Variants in FARP1 observed in about 807,000 individuals in gnomAD.
FARP1 encodes the protein FERM, ARHGEF and pleckstrin domain-containing protein 1.
FARP1 carries 52 observed loss-of-function variants against 128.8 expected under a neutral mutation model. The ratio of observed to expected loss-of-function variants is 0.40; its 90% CI spans 0.32 to 0.51. The LOEUF is 0.51. FARP1 is among the 20% of genes least tolerant of loss of function. The probability of loss-of-function intolerance (pLI) is 0.45; values close to 1 mark genes in which losing one functional copy is unlikely to be tolerated. For missense variants in FARP1, 1,333 were observed against 1,367.9 expected, an observed-to-expected ratio of 0.97 and a Z score of 0.40; for synonymous variants, 580 against 551.8, an observed-to-expected ratio of 1.05 and a Z score of -0.72.
chr13:98,453,129 A>C lies in FARP1; in HGVS notation c.*4812A>C. On this transcript the variant is annotated 3_prime_UTR_variant, in exon 27 of 27. Coordinates refer to ENST00000319562, the MANE Select transcript of FARP1 (RefSeq NM_005766.4). ...GACTTTTAAAAAAGGAGGAGGATGA[A>C]GAAGGAAAAAAGGAAAAACAAAACC... 6.2e-6 allele frequency: 10 copies of C among 1,609,410 alleles called. No homozygotes were observed. Among genetic ancestry groups the C allele is most frequent in the Non-Finnish European group, 8.5e-6 (10 of 1,176,678 alleles).
At chr13:98,208,021 CACTAGGCTGGGATTCTAGATTA>C (rs1249397374) in intron 1 of FARP1, among the ~76,000 whole-genome samples, 3 of 149,878 alleles carry the variant, frequency 2.0e-5, no homozygotes, top group Non-Finnish European at 4.4e-5. Context: ...CGGTGAAGGG[CACTAGGCTGGGATTCTAGATTA>C]ACCAGGCTGG....
intron 1 of FARP1, among the ~76,000 whole-genome samples, chr13:98,201,552 A>G (rs1255964944): frequency 2.0e-5 from 3 of 152,210 alleles, no homozygotes; most frequent in Admixed American, 6.5e-5. Context: ...GAGAGACATC[A>G]TGGCAGATGG....
intron 2 of FARP1, among the ~76,000 whole-genome samples, chr13:98,277,145 CA>C (rs1350767761): frequency 5.0e-5 from 7 of 140,950 alleles, no homozygotes; most frequent in Admixed American, 2.8e-4. Flanking sequence ...CACACACACA[CA>C]CACCCCATAT....
At chr13:98,241,213 G>A (rs1007261453) in intron 2 of FARP1, among the ~76,000 whole-genome samples, 9 of 152,174 alleles carry the variant, frequency 5.9e-5, no homozygotes, top group African/African-American at 2.2e-4. Flanking sequence ...TTTTCAAGAA[G>A]GCTGTGGGTG....
Position 98,453,288 on chromosome 13 carries a change from C to CTTA in FARP1, c.*4972_*4974dup. ...CAAAAATTCATATAGTAACCAAAAT[C>CTTA]TTAGTTTTCATAAGAAATTCCAAGT... On this transcript the variant is annotated 3_prime_UTR_variant, in exon 27 of 27. Coordinates refer to ENST00000319562, the MANE Select transcript of FARP1 (RefSeq NM_005766.4). The CTTA allele has an allele frequency of 6.9e-7, 1 of 1,442,332 alleles. No homozygotes were observed. Among genetic ancestry groups the CTTA allele is most frequent in the Admixed American group, 2.1e-5 (1 of 47,262 alleles). 89.3% of individuals were successfully genotyped at this position (1,442,332 alleles called of 1,614,324 possible). A position where few individuals can be genotyped will look rare whatever the true frequency, so the allele number is the denominator to read the frequency against.
At chr13:98,274,236 G>A (rs1279742582) in intron 2 of FARP1, among the ~76,000 whole-genome samples, 2 of 144,294 alleles carry the variant, frequency 1.4e-5, no homozygotes, top group African/African-American at 2.6e-5. Flanking sequence ...AGAAGAGCAC[G>A]AGATATCCCC....
intron 18 of FARP1, chr13:98,431,492 C>T (rs1485435246): frequency 2.2e-5 from 10 of 459,170 alleles, no homozygotes; most frequent in Middle Eastern, 6.0e-4. Flanking sequence ...GACTGAGTCT[C>T]ACTCTGTCGC....
In FARP1 at chr13:98,261,101, C is replaced by T. The variant is rs527362821; in HGVS notation, c.171+47688C>T. Among the ~76,000 whole-genome samples the T allele has an allele frequency of 2.0e-5, 3 of 152,344 alleles. No individual in the cohort carries two copies. In the East Asian group the frequency reaches 5.8e-4, roughly 29 times the overall value. ...GGTGTCCGCATCCTATGGGAATGCA[C>T]AGTGCATTGCTGCGTGGTGACAGCT... On this transcript the variant is annotated intron_variant, in intron 2 of 26. Transcript: ENST00000319562.
chr13:98,280,249 C>T (rs1054264357), intron 2 of FARP1, among the ~76,000 whole-genome samples: 19 of 152,206 alleles, frequency 1.2e-4, no homozygotes, highest in South Asian at 2.1e-4. Flanking sequence ...CCGGGGTCTC[C>T]GGGATCAATT....
At position 98,448,601 on chromosome 13, in the gene FARP1, C is replaced by CA. The variant is rs1893013417; in HGVS notation, c.*284_*285insA. The CA allele has an allele frequency of 1.9e-5, 7 of 378,182 alleles. No individual in the cohort carries two copies. The allele number at this position is 378,182 out of a possible 1,614,324, so 23.4% of individuals were successfully genotyped here. ...GAGAGTGCCAAATGACATCTTCCCTCCACCCTGCCCCTGAAAAACAGTACA... is the reference window on the plus strand; with the variant it reads ...GAGAGTGCCAAATGACATCTTCCCTCACACCCTGCCCCTGAAAAACAGTACA... On this transcript the variant is annotated 3_prime_UTR_variant, in exon 27 of 27. Transcript: ENST00000319562.
intron 2 of FARP1, among the ~76,000 whole-genome samples, chr13:98,317,210 AAGAGAGATT>A (rs750778222): frequency 3.3e-5 from 5 of 152,248 alleles, no homozygotes; most frequent in Non-Finnish European, 7.3e-5. Context: ...AAGGGAGAGC[AAGAGAGATT>A]TCAAACATGA....
intron 2 of FARP1, chr13:98,328,104 C>G (rs1225319995): frequency 2.6e-5 from 4 of 152,170 alleles, no homozygotes; most frequent in Non-Finnish European, 5.9e-5. Context: ...CTGCACAGCC[C>G]CCACAGGCTG....
At chr13:98,186,757 C>T (rs1305357153) in intron 1 of FARP1, among the ~76,000 whole-genome samples, 12 of 151,412 alleles carry the variant, frequency 7.9e-5, no homozygotes, top group Non-Finnish European at 1.6e-4. Context: ...TTTGGGAGGT[C>T]GAGGTGGGTG....
At chr13:98,200,331 G>A (rs1399168631) in intron 1 of FARP1, among the ~76,000 whole-genome samples, 1 of 151,850 alleles carries the variant, frequency 6.6e-6, no homozygotes, top group Non-Finnish European at 1.5e-5. Flanking sequence ...AAGTGGAGCA[G>A]GAGCAGTGCT....
chr13:98,374,513 T>C (rs1370548352), intron 5 of FARP1, among the ~76,000 whole-genome samples: 1 of 152,318 alleles, frequency 6.6e-6, no homozygotes, highest in East Asian at 1.9e-4. Flanking sequence ...TGGGCCTATG[T>C]AAGTTAGTCC....
chr13:98,379,580 A>C (rs1889810701), intron 6 of FARP1, among the ~76,000 whole-genome samples: 2 of 152,086 alleles, frequency 1.3e-5, no homozygotes, highest in Admixed American at 6.6e-5. Flanking sequence ...GTTGTCCTTT[A>C]ATGTCCATGG....
chr13:98,372,081 C>CTTTTTTTTTTTTTTTTTTTTTTTTT, intron 5 of FARP1, among the ~76,000 whole-genome samples: 1 of 92,340 alleles, frequency 1.1e-5, no homozygotes, highest in Non-Finnish European at 2.0e-5. Context: ...CCCAGTTTTT[C>CTTTTTTTTTTTTTTTTTTTTTTTTT]TTTTTTTTTT....
At chr13:98,263,726 A>T (rs901691111) in intron 2 of FARP1, among the ~76,000 whole-genome samples, 28 of 152,202 alleles carry the variant, frequency 1.8e-4, no homozygotes, top group African/African-American at 6.5e-4. Context: ...ACCATGGTAC[A>T]CCCATCAAGT....
chr13:98,319,210 C>A (rs1005053604), intron 2 of FARP1, among the ~76,000 whole-genome samples: 1 of 152,034 alleles, frequency 6.6e-6, no homozygotes, highest in African/African-American at 2.4e-5. Flanking sequence ...AGCAGTCGAC[C>A]ACCTGGGACT....
Sources: allele counts gnomAD v4.1 joint callset (sites outside exome capture counted in the v4.1 genomes callset), GRCh38; gene constraint gnomAD v4.1.1; transcripts MANE v1.5; gene names NCBI Gene and HGNC (gene_info 2026-07-23, HGNC 2026-07-21).